Variants in NBAS observed in about 807,000 individuals in gnomAD.
NBAS encodes NAG/BC035112 fusion.
A neutral mutation model predicts 302.5 loss-of-function variants in NBAS; 219 were observed. The ratio of observed to expected loss-of-function variants is 0.72; its 90% CI spans 0.65 to 0.81. The LOEUF (loss-of-function observed/expected upper bound fraction) is 0.81. Among genes scored for constraint, NBAS ranks in the 30% least tolerant of loss-of-function variants. The pLI is 0.00. For synonymous variants in NBAS, 1,118 were observed against 1,021.6 expected, an observed-to-expected ratio of 1.09 and a Z score of -1.80; for missense variants, 2,932 against 2,841.6, an observed-to-expected ratio of 1.03 and a Z score of -0.72.
intron 28 of NBAS, among the ~76,000 whole-genome samples, chr2:15,390,182 A>G (rs1357086855): frequency 6.6e-6 from 1 of 152,232 alleles, no homozygotes; most frequent in Non-Finnish European, 1.5e-5. Flanking sequence ...CAAGACACAC[A>G]GGCATTAAGC....
At chr2:15,293,749 C>T (rs1670424636) in intron 40 of NBAS, among the ~76,000 whole-genome samples, 1 of 152,118 alleles carries the variant, frequency 6.6e-6, no homozygotes, top group Non-Finnish European at 1.5e-5. Flanking sequence ...CTGATCTGCA[C>T]AGGAGATTTG....
At chr2:15,554,533 T>C (rs978102158) in intron 3 of NBAS, among the ~76,000 whole-genome samples, 1 of 150,488 alleles carries the variant, frequency 6.6e-6, no homozygotes, top group African/African-American at 2.5e-5. Flanking sequence ...AATTTCCAAG[T>C]ACTAGAAATG....
chr2:14,902,056 T>A, the NBAS span, among the ~76,000 whole-genome samples: 1 of 152,210 alleles, frequency 6.6e-6, no homozygotes, highest in African/African-American at 2.4e-5. Flanking sequence ...CTTCCTGAAT[T>A]TTCTTCTTTC....
intron 6 of NBAS, among the ~76,000 whole-genome samples, chr2:15,541,095 T>C (rs1193196460): frequency 6.6e-6 from 1 of 152,090 alleles, no homozygotes; most frequent in East Asian, 1.9e-4. Context: ...TCCTTCCAGG[T>C]CTAGTTTGTT....
intron 48 of NBAS, among the ~76,000 whole-genome samples, chr2:15,206,084 C>T (rs1356996417): frequency 6.6e-6 from 1 of 152,124 alleles, no homozygotes; most frequent in Admixed American, 6.5e-5. Flanking sequence ...AAGTATGAAA[C>T]TTCCTAGAGA....
chr2:15,554,911 A>C (rs1165182159), intron 3 of NBAS, among the ~76,000 whole-genome samples: 1 of 152,166 alleles, frequency 6.6e-6, no homozygotes. Flanking sequence ...TAAGTTCAAA[A>C]TAAAACCATT....
chr2:14,836,201 T>C, the NBAS span, among the ~76,000 whole-genome samples: 1 of 151,996 alleles, frequency 6.6e-6, no homozygotes, highest in Non-Finnish European at 1.5e-5. Flanking sequence ...GAGGTTTTTG[T>C]TATTTACATG....
At chr2:15,412,219 C>T (rs1355332700) in intron 25 of NBAS, among the ~76,000 whole-genome samples, 1 of 152,088 alleles carries the variant, frequency 6.6e-6, no homozygotes, top group East Asian at 1.9e-4. Context: ...CTTCCCTGCC[C>T]CATTAACATC....
chr2:14,959,862 T>G, the NBAS span, among the ~76,000 whole-genome samples: 1 of 152,214 alleles, frequency 6.6e-6, no homozygotes, highest in South Asian at 2.1e-4. Flanking sequence ...TACCTTCGAT[T>G]TTTATCAAAA....
At chr2:15,472,611 A>G (rs1468897279) in intron 16 of NBAS, among the ~76,000 whole-genome samples, 1 of 151,896 alleles carries the variant, frequency 6.6e-6, no homozygotes, top group African/African-American at 2.4e-5. Context: ...CAGCTTTCCT[A>G]TCCATCCCAT....
At chr2:15,530,702 C>T (rs546543981) in intron 9 of NBAS, among the ~76,000 whole-genome samples, 3 of 151,250 alleles carry the variant, frequency 2.0e-5, no homozygotes, top group African/African-American at 7.3e-5. Context: ...AGAGACCCTA[C>T]ATCTAGATAA....
rs773409140 is a variant in NBAS, at chr2:15,556,781, A to C, written c.209+2T>G. The C allele has an allele frequency of 8.1e-6, 13 of 1,608,974 alleles. No homozygotes were observed. Among genetic ancestry groups the C allele is most frequent in the Admixed American group, 6.7e-5 (4 of 59,980 alleles). On this transcript the variant is annotated splice_donor_variant, in intron 3 of 51. Transcript: ENST00000281513. LOFTEE classifies it high-confidence loss of function. ...TGTTTCTCTGAAGAACCGAAGACTCACCTGTACCAGATGTATTGGCGTAAA... is the reference window on the plus strand; with the variant it reads ...TGTTTCTCTGAAGAACCGAAGACTCCCCTGTACCAGATGTATTGGCGTAAA...
intron 6 of NBAS, among the ~76,000 whole-genome samples, chr2:15,548,956 C>T (rs1034850391): frequency 3.3e-5 from 5 of 151,962 alleles, no homozygotes; most frequent in Non-Finnish European, 7.4e-5. Flanking sequence ...AGGCTGATTG[C>T]GAAAAGTCTT....
the NBAS span, among the ~76,000 whole-genome samples, chr2:14,844,641 G>C: frequency 6.6e-6 from 1 of 152,150 alleles, no homozygotes; most frequent in Non-Finnish European, 1.5e-5. Flanking sequence ...AAGGCATTTT[G>C]GTACATGCTC....
At chr2:14,922,504 C>A in the NBAS span, among the ~76,000 whole-genome samples, 1 of 152,216 alleles carries the variant, frequency 6.6e-6, no homozygotes, top group Non-Finnish European at 1.5e-5. Flanking sequence ...CCTTGGTTAG[C>A]AGAAGCCACC....
chr2:15,522,847 T>C (rs1288403860), intron 9 of NBAS, among the ~76,000 whole-genome samples: 5 of 152,172 alleles, frequency 3.3e-5, no homozygotes, highest in Admixed American at 1.3e-4. Flanking sequence ...ACAAAAACAG[T>C]CTATTAACAC....
the NBAS span, among the ~76,000 whole-genome samples, chr2:14,964,341 A>G: frequency 1.3e-5 from 2 of 152,228 alleles, no homozygotes; most frequent in African/African-American, 4.8e-5. Flanking sequence ...CAAATTTTTG[A>G]ATTGAAAACT....
chr2:15,374,025 A>T (rs1674612281), intron 31 of NBAS, among the ~76,000 whole-genome samples: 1 of 152,198 alleles, frequency 6.6e-6, no homozygotes, highest in South Asian at 2.1e-4. Flanking sequence ...TAGATGAGAC[A>T]AGTGATTCTG....
chr2:15,487,568 G>A (rs1431192809), intron 12 of NBAS, among the ~76,000 whole-genome samples: 2 of 152,106 alleles, frequency 1.3e-5, no homozygotes, highest in African/African-American at 2.4e-5. Flanking sequence ...GTTGCTGTAG[G>A]GTCAACTGTG....
Sources: allele counts gnomAD v4.1 joint callset (sites outside exome capture counted in the v4.1 genomes callset), GRCh38; gene constraint gnomAD v4.1.1; transcripts MANE v1.5; gene names NCBI Gene and HGNC (gene_info 2026-07-23, HGNC 2026-07-21).